GRTP1: variants seen among roughly 807,000 people sequenced by gnomAD.
GRTP1 encodes the protein growth hormone regulated TBC protein 1, also known as growth hormone-regulated TBC protein 1.
A neutral mutation model predicts 38.1 loss-of-function variants in GRTP1; 56 were observed. The ratio of observed to expected loss-of-function variants is 1.47; its 90% CI spans 1.19 to 1.84. The LOEUF is 1.84. Ranked by LOEUF, GRTP1 falls within the 40% of genes most tolerant of loss-of-function variation. GRTP1 has a pLI of 0.00. For synonymous variants in GRTP1, 217 were observed against 189.5 expected (o/e 1.14, Z -1.19); for missense variants, 506 against 453.9 (o/e 1.11, Z -1.04).
In GRTP1 at chr13:113,355,454, G is replaced by A. The variant is rs998145349; in HGVS notation, c.209C>T (p.Pro70Leu). 6 of 1,613,206 alleles carry A rather than the reference G, an allele frequency of 3.7e-6. No individual in the cohort carries two copies. In the African/African-American group the frequency reaches 5.3e-5, roughly 14 times the overall value. ...CCAGACGCGGGCACGGTGCTCCAGCGGGACCCCTTTCCGGACATAGCGCTT... is the reference window on the plus strand; with the variant it reads ...CCAGACGCGGGCACGGTGCTCCAGCAGGACCCCTTTCCGGACATAGCGCTT... ...TVKRYVRKGV[P>L]LEHRARVWMV... Residue 70 changes from proline to leucine, a missense_variant, in exon 3 of 8, where the codon CCG becomes CTG. Transcript: ENST00000375431.
chr13:113,360,761 C>T (rs1466739908), intron 2 of GRTP1, among the ~76,000 whole-genome samples: 1 of 152,208 alleles, frequency 6.6e-6, no homozygotes, highest in Admixed American at 6.5e-5. Context: ...TATATTTGCT[C>T]ACAGACCCAT....
rs528648904 is a variant in GRTP1 at position 113,358,097 on chromosome 13, G to A, written c.182-2616C>T. Among the ~76,000 whole-genome samples the A allele has an allele frequency of 4.6e-5, 7 of 152,234 alleles. No homozygotes were observed. The South Asian group carries it at 1.2e-3, about 27-fold the overall frequency. On this transcript the variant is annotated intron_variant, in intron 2 of 7. Transcript: ENST00000375431. ...CTTGGGAGGCTGAGGCAGGAGAATCGCTTGAACCTGGGAGGCGGAGGTTGC... is the reference window on the plus strand; with the variant it reads ...CTTGGGAGGCTGAGGCAGGAGAATCACTTGAACCTGGGAGGCGGAGGTTGC...
At chr13:113,346,222 C>T (rs1219029895) in intron 4 of GRTP1, among the ~76,000 whole-genome samples, 1 of 126,514 alleles carries the variant, frequency 7.9e-6, no homozygotes, top group African/African-American at 3.0e-5. Context: ...ACCTCTGTGG[C>T]TGAGAACAGA....
rs76667910 is a variant in GRTP1, at chr13:113,330,508, G to A, written c.563-4417C>T. Among the ~76,000 whole-genome samples, 339 of 78,354 alleles carry A rather than the reference G, an allele frequency of 4.3e-3. No homozygotes were observed. In the Middle Eastern group the frequency reaches 0.047, roughly 11 times the overall value. 51.4% of individuals were successfully genotyped at this position (78,354 alleles called of 152,430 possible). A position where few individuals can be genotyped will look rare whatever the true frequency, so the allele number is the denominator to read the frequency against. On this transcript the variant is annotated intron_variant, in intron 5 of 7. Coordinates refer to ENST00000375431, the MANE Select transcript of GRTP1 (RefSeq NM_024719.4). ...CATGGGAGCCCAGGTGTGTGCATGGGAGCCCAGGTGTGTGCATGGAAACCC... is the reference window on the plus strand; with the variant it reads ...CATGGGAGCCCAGGTGTGTGCATGGAAGCCCAGGTGTGTGCATGGAAACCC...
chr13:113,344,961 T>C lies in GRTP1; in HGVS notation c.466-2A>G, dbSNP rs2043079451. The C allele has an allele frequency of 6.3e-7, 1 of 1,588,058 alleles. No homozygotes were observed. Among genetic ancestry groups the C allele is most frequent in the South Asian group, 1.2e-5 (1 of 85,900 alleles). Reference sequence around the variant, plus strand: ...ATATCCTGCTATAAAATTCATTCCCTGAAATTAGAAAAATGAGAAACAAAT... The same window carrying C: ...ATATCCTGCTATAAAATTCATTCCCCGAAATTAGAAAAATGAGAAACAAAT... On this transcript the variant is annotated splice_acceptor_variant, in intron 4 of 7. Coordinates refer to ENST00000375431, the MANE Select transcript of GRTP1 (RefSeq NM_024719.4). LOFTEE classifies it high-confidence loss of function.
At chr13:113,347,349 GCCAAGA>G (rs1319854804) in intron 4 of GRTP1, among the ~76,000 whole-genome samples, 5 of 76,550 alleles carry the variant, frequency 6.5e-5, no homozygotes, top group Admixed American at 1.1e-4. Context: ...GACCTCTGTG[GCCAAGA>G]ACAGATCCGG....
intron 5 of GRTP1, among the ~76,000 whole-genome samples, chr13:113,329,267 T>C (rs2042821363): frequency 6.6e-6 from 1 of 152,060 alleles, no homozygotes; most frequent in South Asian, 2.1e-4. Context: ...CACGGAGACA[T>C]TGGGAGAGAG....
At chr13:113,335,950 G>C (rs1044508706) in intron 5 of GRTP1, among the ~76,000 whole-genome samples, 1 of 152,072 alleles carries the variant, frequency 6.6e-6, no homozygotes, top group African/African-American at 2.4e-5. Context: ...CCGCCACCAC[G>C]CCTGGCTACT....
At chr13:113,329,335 T>C (rs1261550462) in intron 5 of GRTP1, among the ~76,000 whole-genome samples, 1 of 152,182 alleles carries the variant, frequency 6.6e-6, no homozygotes, top group African/African-American at 2.4e-5. Context: ...CGCAGCACTT[T>C]GGGAGGCTGA....
At position 113,348,005 on chromosome 13, in the gene GRTP1, T is replaced by A. The variant is rs1484424576; in HGVS notation, c.465+2844A>T. ...GCAGACCTGGGAGGACCTGTGTGGC[T>A]GAGCGGACCTGGGAGGACCTGTCTG... On this transcript the variant is annotated intron_variant, in intron 4 of 7. Transcript: ENST00000375431. The surrounding 1 kb of genome is among the most constrained non-coding windows in gnomAD (Gnocchi z 4.8). Among the ~76,000 whole-genome samples, 22 of 147,496 alleles carry A rather than the reference T, an allele frequency of 1.5e-4. No homozygotes were observed. The highest frequency in any genetic ancestry group is 5.6e-4 in the African/African-American group (22 of 38,964).
intron 5 of GRTP1, among the ~76,000 whole-genome samples, chr13:113,326,294 A>G (rs189740476): frequency 3.3e-5 from 5 of 149,418 alleles, no homozygotes; most frequent in African/African-American, 1.2e-4. Context: ...CAGGCCTTTC[A>G]GGACGTCCCT....
intron 2 of GRTP1, among the ~76,000 whole-genome samples, chr13:113,356,411 G>T (rs1566441525): frequency 6.6e-6 from 1 of 152,044 alleles, no homozygotes; most frequent in Non-Finnish European, 1.5e-5. Context: ...GGGATTAAAG[G>T]CACCTGCCAA....
intron 2 of GRTP1, among the ~76,000 whole-genome samples, chr13:113,362,732 G>C (rs1282141484): frequency 6.6e-6 from 1 of 152,084 alleles, no homozygotes; most frequent in African/African-American, 2.4e-5. Flanking sequence ...CCGACCCTCC[G>C]CCCAGGTGCA....
chr13:113,334,280 A>ACTGCCCCCCCCCCCCCCCCCCCCG (rs1202504022), intron 5 of GRTP1, among the ~76,000 whole-genome samples: 1 of 142,472 alleles, frequency 7.0e-6, no homozygotes, highest in African/African-American at 2.5e-5. Flanking sequence ...CACTGCCACG[A>ACTGCCCCCCCCCCCCCCCCCCCCG]CAGCCTCCCG....
rs752533096 is a variant in GRTP1 at position 113,324,525 on chromosome 13, C to T, written c.974G>A (p.Arg325His). Residue 325 changes from arginine (R) to histidine (H), a missense_variant, in exon 8 of 8, where the codon CGC becomes CAC. Coordinates refer to ENST00000375431, the MANE Select transcript of GRTP1 (RefSeq NM_024719.4). The stretch of plus-strand genomic sequence containing the variant: ...CAGCAGCCGGGCCCTGCAGCTCTCG[C>T]GGAGCTTGGCGACGGTGGCCATGGA... ...SLSMATVAKL[R>H]ESCRARLLAQ... The T allele has an allele frequency of 2.0e-5, 32 of 1,611,680 alleles. No homozygotes were observed. The highest frequency in any genetic ancestry group is 3.3e-5 in the Admixed American group (2 of 59,748).
intron 2 of GRTP1, 38 bp from the exon 3 acceptor site, chr13:113,355,519 C>G: frequency 6.4e-7 from 1 of 1,563,872 alleles, no homozygotes; most frequent in Non-Finnish European, 8.7e-7. Flanking sequence ...TGAGCTGGAC[C>G]AGGGGCCTGC....
chr13:113,345,306 C>G (rs1189082850), intron 4 of GRTP1, among the ~76,000 whole-genome samples: 1 of 152,262 alleles, frequency 6.6e-6, no homozygotes, highest in Non-Finnish European at 1.5e-5. Context: ...GCATGAAACT[C>G]TCTGCCAGAG....
In GRTP1 at chr13:113,348,289, C is replaced by T. The variant is rs1234320980; in HGVS notation, c.465+2560G>A. Among the ~76,000 whole-genome samples the T allele has an allele frequency of 1.3e-5, 2 of 152,086 alleles. No homozygotes were observed. Among genetic ancestry groups the T allele is most frequent in the Non-Finnish European group, 2.9e-5 (2 of 68,008 alleles). On this transcript the variant is annotated intron_variant, in intron 4 of 7. Coordinates refer to ENST00000375431, the MANE Select transcript of GRTP1 (RefSeq NM_024719.4). The surrounding 1 kb of genome is among the most constrained non-coding windows in gnomAD (Gnocchi z 4.8). The stretch of plus-strand genomic sequence containing the variant: ...CAATGTGGCAAAACCCCGATCTCTA[C>T]AAAACATACAAAAATTACTCGAGCG...
At chr13:113,355,255 C>T in intron 3 of GRTP1, 68 bp downstream of exon 3, 1 of 1,547,630 alleles carries the variant, frequency 6.5e-7, no homozygotes, top group East Asian at 2.3e-5. Flanking sequence ...TGAGGCTAGA[C>T]ACTGGGTGGA....
Sources: allele counts gnomAD v4.1 joint callset (sites outside exome capture counted in the v4.1 genomes callset), GRCh38; gene constraint gnomAD v4.1.1; non-coding constraint Gnocchi (gnomAD v3.1); transcripts MANE v1.5; gene names NCBI Gene and HGNC (gene_info 2026-07-23, HGNC 2026-07-21).